C1R: variants seen among roughly 807,000 people sequenced by gnomAD.
C1R encodes the protein complement C1r.
Under a neutral mutation model 27.6 loss-of-function variants are expected in C1R, and 15 were observed. That is an observed-to-expected ratio of 0.54 (90% CI 0.36 to 0.84). The LOEUF (loss-of-function observed/expected upper bound fraction) is 0.84, where lower values mean the gene tolerates loss of function less well. Among genes scored for constraint, C1R ranks in the 40% least tolerant of loss-of-function variants. The pLI, the probability that C1R is intolerant of heterozygous loss-of-function variation, is 0.01. For missense variants in C1R, 544 were observed against 577.9 expected, an observed-to-expected ratio of 0.94 and a Z score of 0.60; for synonymous variants, 253 against 228.8, an observed-to-expected ratio of 1.11 and a Z score of -0.95.
At chr12:7,092,016 G>T (rs1311834708) in intron 1 of C1R, 3 of 560,452 alleles carry the variant, frequency 5.4e-6, no homozygotes, top group South Asian at 1.9e-5. Flanking sequence ...GAGGGTGAGG[G>T]TTTCCACCCG....
At chr12:7,085,074 G>GTAA (rs1352735404) in intron 9 of C1R, among the ~76,000 whole-genome samples, 9 of 113,080 alleles carry the variant, frequency 8.0e-5, no homozygotes, top group Middle Eastern at 4.0e-3. Flanking sequence ...AATGATAGTG[G>GTAA]TGATGGTGGT....
rs769932621 is a variant in C1R at position 7,088,927 on chromosome 12, G to A, written c.828C>T (p.Leu276=). ...GATCCACAGCATTGCTGCTGGTGTC[G>A]AGGTCGGGGGGCCTTTGCTTCCCAC... The part of the protein sequence containing the change: ...EFCGKQRPPD[L]DTSSNAVDLL... The change falls in exon 6 of 11, where the codon CTC becomes CTT. Residue 276 remains leucine (L), a synonymous_variant. Coordinates refer to ENST00000647956, the MANE Select transcript of C1R (RefSeq NM_001733.7). 36 of 763,226 alleles carry A rather than the reference G, an allele frequency of 4.7e-5. No individual in the cohort carries two copies. The Admixed American group carries it at 4.8e-4, about 10-fold the overall frequency. 47.3% of individuals were successfully genotyped at this position (763,226 alleles called of 1,614,324 possible).
intron 5 of C1R, 111 bp downstream of exon 5, chr12:7,089,182 T>G (rs1319299600): frequency 1.5e-6 from 1 of 674,900 alleles, no homozygotes; most frequent in Non-Finnish European, 2.7e-6. Context: ...TGGGTGATGT[T>G]GGCCGTTCCT....
chr12:7,085,065 ATGATAG>A (rs1938124687), intron 9 of C1R, among the ~76,000 whole-genome samples: 3 of 115,688 alleles, frequency 2.6e-5, no homozygotes, highest in Non-Finnish European at 5.2e-5. Flanking sequence ...GGTGTTGGTA[ATGATAG>A]TGGTGATGGT....
intron 9 of C1R, among the ~76,000 whole-genome samples, chr12:7,085,065 A>ATGG (rs1555164205): frequency 8.4e-4 from 97 of 115,158 alleles, no homozygotes; most frequent in South Asian, 1.8e-3. Context: ...GGTGTTGGTA[A>ATGG]TGATAGTGGT....
In C1R at chr12:7,091,537, G is replaced by T. The variant is rs1435432094; in HGVS notation, c.146C>A (p.Thr49Lys). ...CTTCACCCTGTATCCCGTGGGGACT[G>T]TGATCACAGTGGTTGTTTCAAAGTT... ...PNNFETTTVI[T>K]VPTGYRVKLV... Residue 49 changes from threonine (T) to lysine (K), a missense_variant, in exon 2 of 11, where the codon ACA becomes AAA. Thr to Lys is a moderately conservative substitution (Grantham distance 78, BLOSUM62 -1). Around this residue, in one of 2 missense-constraint regions of C1R, gnomAD observed 291 missense variants for 209.0 expected, o/e 1.39. Coordinates refer to ENST00000647956, the MANE Select transcript of C1R (RefSeq NM_001733.7). The surrounding 1 kb of genome is among the most constrained non-coding windows in gnomAD (Gnocchi z 5.1). The T allele has an allele frequency of 1.3e-6, 1 of 778,778 alleles. No individual in the cohort carries two copies. The allele number at this position is 778,778 out of a possible 1,614,324, so 48.2% of individuals were successfully genotyped here. A position where few individuals can be genotyped will look rare whatever the true frequency, so the allele number is the denominator to read the frequency against.
chr12:7,091,297 A>C lies in C1R; in HGVS notation c.231+155T>G. On this transcript the variant is annotated intron_variant, in intron 2 of 10. Transcript: ENST00000647956. The surrounding 1 kb of genome is among the most constrained non-coding windows in gnomAD (Gnocchi z 5.1). Reference sequence around the variant, plus strand: ...CTCACCGAGGGCCTCTACACCAGTGAGCGCCCATCCAGGGCATCCCCGGGC... The same window carrying C: ...CTCACCGAGGGCCTCTACACCAGTGCGCGCCCATCCAGGGCATCCCCGGGC... 1 of 627,666 alleles carries C rather than the reference A, an allele frequency of 1.6e-6. No individual in the cohort carries two copies. The highest frequency in any genetic ancestry group is 2.8e-6 in the Non-Finnish European group (1 of 355,286). 38.9% of individuals were successfully genotyped at this position (627,666 alleles called of 1,614,324 possible).
chr12:7,091,542 C>T lies in C1R; in HGVS notation c.141G>A (p.Val47=), dbSNP rs377377217. The change falls in exon 2 of 11, where the codon GTG becomes GTA. Residue 47 remains valine, a synonymous_variant. Coordinates refer to ENST00000647956, the MANE Select transcript of C1R (RefSeq NM_001733.7). This position sits in a 1 kb window ranked among gnomAD's most constrained non-coding sequence, Gnocchi z 5.1. The stretch of plus-strand genomic sequence containing the variant: ...CCCTGTATCCCGTGGGGACTGTGAT[C>T]ACAGTGGTTGTTTCAAAGTTGTTGG... ...PYPNNFETTT[V]ITVPTGYRVK... 2.7e-5 allele frequency: 21 copies of T among 778,726 alleles called. No individual in the cohort carries two copies. In the African/African-American group the frequency reaches 3.5e-4, roughly 13 times the overall value. The allele number at this position is 778,726 out of a possible 1,614,324, so 48.2% of individuals were successfully genotyped here.
intron 2 of C1R, among the ~76,000 whole-genome samples, chr12:7,090,676 C>T (rs185494590): frequency 8.5e-5 from 13 of 152,286 alleles, no homozygotes; most frequent in African/African-American, 2.9e-4. Context: ...ATTCACACCT[C>T]GAGTGCCTCC....
At chr12:7,092,173 A>G in intron 1 of C1R, 1 of 629,986 alleles carries the variant, frequency 1.6e-6, no homozygotes, top group Non-Finnish European at 2.9e-6. Context: ...AGAGGGAAGA[A>G]AGGACCATGG....
At chr12:7,089,837 C>T (rs1343464178) in intron 3 of C1R, 104 bp from the exon 4 acceptor site, 2 of 717,462 alleles carry the variant, frequency 2.8e-6, no homozygotes, top group Non-Finnish European at 5.1e-6. Context: ...ACAAAGGCAT[C>T]TTTAGGCCAC....
At chr12:7,083,058 T>TA (rs1477142725) in intron 9 of C1R, among the ~76,000 whole-genome samples, 1 of 152,172 alleles carries the variant, frequency 6.6e-6, no homozygotes, top group Non-Finnish European at 1.5e-5. Flanking sequence ...TTCTAATATT[T>TA]AAAAAAAGTT....
chr12:7,085,665 C>A lies in C1R; in HGVS notation c.1273+196G>T, dbSNP rs1016691983. ...AGTGAGCTGTTTATGCGATTTGAATCTTTTCTTTGCATCAGCTCAGATGCC... is the reference window on the plus strand; with the variant it reads ...AGTGAGCTGTTTATGCGATTTGAATATTTTCTTTGCATCAGCTCAGATGCC... On this transcript the variant is annotated intron_variant, in intron 9 of 10. Coordinates refer to ENST00000647956, the MANE Select transcript of C1R (RefSeq NM_001733.7). Among the ~76,000 whole-genome samples, 730 of 152,120 alleles carry A rather than the reference C, an allele frequency of 4.8e-3. 4 individuals are homozygous for A. The highest frequency in any genetic ancestry group is 0.017 in the African/African-American group (686 of 41,460).
intron 1 of C1R, 114 bp downstream of exon 1, chr12:7,092,273 C>T (rs1938294717): frequency 2.6e-6 from 2 of 764,706 alleles, no homozygotes; most frequent in East Asian, 2.5e-5. Context: ...CACAGTGGAA[C>T]TGATGAGGTG....
At position 7,089,306 on chromosome 12, in the gene C1R, T is replaced by C; in HGVS notation, c.755A>G (p.Tyr252Cys). 3 of 780,312 alleles carry C rather than the reference T, an allele frequency of 3.8e-6. No individual in the cohort carries two copies. The highest frequency in any genetic ancestry group is 2.7e-5 in the South Asian group (2 of 74,590). 48.3% of individuals were successfully genotyped at this position (780,312 alleles called of 1,614,324 possible). ...IDDHQQVHCP[Y>C]DQLQIYANGK... ...GGACGGCTGTACCTGTAGCTGGTCA[T>C]AGGGGCAGTGTACTTGCTGGTGGTC... The change falls in exon 5 of 11, where the codon TAT becomes TGT. Residue 252 changes from tyrosine (Y) to cysteine (C), a missense_variant. Physicochemically the swap from Tyr to Cys is radical, Grantham distance 194. Around this residue, in one of 2 missense-constraint regions of C1R, gnomAD observed 291 missense variants for 209.0 expected, o/e 1.39. Coordinates refer to ENST00000647956, the MANE Select transcript of C1R (RefSeq NM_001733.7).
At chr12:7,085,773 C>T (rs912452992) in intron 9 of C1R, 88 bp downstream of exon 9, 3 of 397,674 alleles carry the variant, frequency 7.5e-6, no homozygotes, top group Non-Finnish European at 1.3e-5. Flanking sequence ...CCTTAATATG[C>T]ATTCCCTAGG....
In C1R at chr12:7,083,098, G is replaced by A. The variant is rs923992427; in HGVS notation, c.1274-992C>T. On this transcript the variant is annotated intron_variant, in intron 9 of 10. Transcript: ENST00000647956. ...AAATACCCACTAATGAGTGAGAGTC[G>A]TTTAGTAAAACTAAGTGCAAAAATC... is the stretch of plus-strand genomic sequence containing the variant. 2.2e-3 allele frequency among the ~76,000 whole-genome samples: 332 copies of A among 152,276 alleles called. 1 individual carries two copies. Among genetic ancestry groups the A allele is most frequent in the Admixed American group, 3.7e-3 (56 of 15,298 alleles).
intron 9 of C1R, among the ~76,000 whole-genome samples, chr12:7,085,234 G>A (rs1308805305): frequency 1.4e-5 from 2 of 140,360 alleles, no homozygotes; most frequent in Non-Finnish European, 3.1e-5. Context: ...TAGTGGTGAT[G>A]GTGGTGTTGG....
intron 7 of C1R, chr12:7,086,680 C>G (rs1464716781): frequency 2.7e-6 from 1 of 368,470 alleles, no homozygotes; most frequent in Non-Finnish European, 4.8e-6. Context: ...CAAGTCAGAG[C>G]AGAGCTAACT....
Sources: allele counts gnomAD v4.1 joint callset (sites outside exome capture counted in the v4.1 genomes callset), GRCh38; gene constraint gnomAD v4.1.1; regional missense constraint gnomAD v4.1.1; non-coding constraint Gnocchi (gnomAD v3.1); transcripts MANE v1.5; gene names NCBI Gene and HGNC (gene_info 2026-07-23, HGNC 2026-07-21).